The following STPG4 variants were observed in gnomAD, a reference collection of about 807,000 sequenced individuals.
The protein encoded by STPG4 is sperm-tail PG-rich repeat containing 4, also known as protein STPG4.
Under a neutral mutation model 31.5 loss-of-function variants are expected in STPG4, and 41 were observed. The ratio of observed to expected loss-of-function variants is 1.30; its 90% CI spans 1.01 to 1.69. The LOEUF (loss-of-function observed/expected upper bound fraction) is 1.69. Among genes scored for constraint, STPG4 ranks in the 40% most tolerant of loss-of-function variants. STPG4 has a pLI of 0.00. For synonymous variants in STPG4, 141 were observed against 103.0 expected (o/e 1.37, Z -2.24); for missense variants, 375 against 293.4 (o/e 1.28, Z -2.03).
chr2:47,119,598 G>A (rs1686225852), intron 5 of STPG4, among the ~76,000 whole-genome samples: 1 of 152,222 alleles, frequency 6.6e-6, no homozygotes, highest in African/African-American at 2.4e-5. Flanking sequence ...AAAACTTGGT[G>A]TCCTAACTGC....
intron 5 of STPG4, among the ~76,000 whole-genome samples, chr2:47,092,168 C>T (rs1266816016): frequency 8.9e-5 from 2 of 22,502 alleles, no homozygotes; most frequent in East Asian, 7.8e-4. Context: ...CTACAATGAA[C>T]ACAAGTACTC....
intron 3 of STPG4, among the ~76,000 whole-genome samples, chr2:47,134,345 T>C (rs1346078203): frequency 6.6e-6 from 1 of 152,192 alleles, no homozygotes; most frequent in African/African-American, 2.4e-5. Context: ...AAAAATCCTG[T>C]GTTCTCCCTA....
At chr2:47,128,849 G>A (rs1260403947) in intron 5 of STPG4, 1 of 152,296 alleles carries the variant, frequency 6.6e-6, no homozygotes, top group African/African-American at 2.4e-5. Flanking sequence ...CTTTCCTCAA[G>A]CAGGAGTCTC....
intron 5 of STPG4, among the ~76,000 whole-genome samples, chr2:47,113,899 T>C (rs904757722): frequency 4.0e-5 from 6 of 151,802 alleles, no homozygotes; most frequent in Admixed American, 3.9e-4. Context: ...CCAGGTGTGG[T>C]GGCGGGCGCC....
intron 1 of STPG4, among the ~76,000 whole-genome samples, chr2:47,153,546 A>AGTTTAAGACCAGCCTGGCCAACAT (rs1315052937): frequency 2.0e-5 from 3 of 152,186 alleles, no homozygotes; most frequent in Non-Finnish European, 1.5e-5. Flanking sequence ...TGAGGCCAGG[A>AGTTTAAGACCAGCCTGGCCAACAT]GTTTAAGACC....
intron 5 of STPG4, among the ~76,000 whole-genome samples, chr2:47,108,140 A>C (rs1250350046): frequency 6.6e-6 from 1 of 151,130 alleles, no homozygotes; most frequent in East Asian, 1.9e-4. Context: ...GAGAACCTTT[A>C]TGTCTAGCTC....
chr2:47,092,241 GAA>G (rs1191038938), intron 5 of STPG4, among the ~76,000 whole-genome samples: 1 of 148,820 alleles, frequency 6.7e-6, no homozygotes, highest in Admixed American at 6.8e-5. Flanking sequence ...AGGTAAAGAA[GAA>G]AAGAGGCCAG....
chr2:47,135,533 C>T (rs1686578862), intron 3 of STPG4, among the ~76,000 whole-genome samples: 1 of 152,062 alleles, frequency 6.6e-6, no homozygotes, highest in Admixed American at 6.6e-5. Context: ...ATTACAGGCA[C>T]CCGCCACCAC....
At chr2:47,153,543 A>G (rs1286313312) in intron 1 of STPG4, among the ~76,000 whole-genome samples, 2 of 152,240 alleles carry the variant, frequency 1.3e-5, no homozygotes, top group African/African-American at 4.8e-5. Context: ...TCTTGAGGCC[A>G]GGAGTTTAAG....
In STPG4 at chr2:47,105,122, C is replaced by T. The variant is rs538707867; in HGVS notation, c.520-14748G>A. Among the ~76,000 whole-genome samples, 8 of 152,022 alleles carry T rather than the reference C, an allele frequency of 5.3e-5. No homozygotes were observed. The South Asian group carries it at 1.7e-3, about 32-fold the overall frequency. ...ACCTTAAAGCAGGCCCTAGTACAAG[C>T]TCCAGCTTTAAGCCTTCCCACAGGA... On this transcript the variant is annotated intron_variant, in intron 5 of 6. Coordinates refer to ENST00000445927, the MANE Select transcript of STPG4 (RefSeq NM_001163561.2).
intron 5 of STPG4, among the ~76,000 whole-genome samples, chr2:47,109,770 T>G (rs1452638115): frequency 6.6e-6 from 1 of 152,206 alleles, no homozygotes; most frequent in African/African-American, 2.4e-5. Context: ...TCTGTTCCCC[T>G]TGGAATTTCA....
chr2:47,099,177 A>T (rs1183730908), intron 5 of STPG4, among the ~76,000 whole-genome samples: 1 of 152,138 alleles, frequency 6.6e-6, no homozygotes, highest in Non-Finnish European at 1.5e-5. Flanking sequence ...CATGCCAAGG[A>T]CGCCCAGGTA....
chr2:47,135,160 A>G (rs1288415044), intron 3 of STPG4, among the ~76,000 whole-genome samples: 2 of 152,022 alleles, frequency 1.3e-5, no homozygotes, highest in African/African-American at 4.8e-5. Context: ...CATTCTCTTC[A>G]GTGTCTTTTG....
At chr2:47,144,852 TC>T (rs1433434374) in intron 3 of STPG4, among the ~76,000 whole-genome samples, 2 of 152,130 alleles carry the variant, frequency 1.3e-5, no homozygotes, top group Non-Finnish European at 2.9e-5. Context: ...TGCCTCAGCC[TC>T]CCAAGTAGCT....
chr2:47,095,689 C>T (rs1685657095), intron 5 of STPG4, among the ~76,000 whole-genome samples: 2 of 152,196 alleles, frequency 1.3e-5, no homozygotes, highest in Non-Finnish European at 2.9e-5. Context: ...ATGACTGTCT[C>T]CTAACAGCTG....
chr2:47,102,275 C>T (rs1260311171), intron 5 of STPG4, among the ~76,000 whole-genome samples: 1 of 151,852 alleles, frequency 6.6e-6, no homozygotes, highest in Non-Finnish European at 1.5e-5. Flanking sequence ...TAAACCAAAA[C>T]TGCGGGCGGT....
At chr2:47,125,414 C>T (rs537425309) in intron 5 of STPG4, among the ~76,000 whole-genome samples, 1 of 151,998 alleles carries the variant, frequency 6.6e-6, no homozygotes, top group African/African-American at 2.4e-5. Context: ...AAGCAAGACG[C>T]TGTCTCAAAA....
At chr2:47,105,548 A>T (rs1464924007) in intron 5 of STPG4, among the ~76,000 whole-genome samples, 1 of 152,050 alleles carries the variant, frequency 6.6e-6, no homozygotes, top group Admixed American at 6.5e-5. Flanking sequence ...GACTGCCAAC[A>T]AATTATAGTC....
intron 5 of STPG4, among the ~76,000 whole-genome samples, chr2:47,123,045 C>G (rs753460808): frequency 1.3e-5 from 2 of 152,176 alleles, no homozygotes; most frequent in African/African-American, 2.4e-5. Flanking sequence ...AGGTTGGTCT[C>G]AAACTCCTGA....
Sources: allele counts gnomAD v4.1 joint callset (sites outside exome capture counted in the v4.1 genomes callset), GRCh38; gene constraint gnomAD v4.1.1; transcripts MANE v1.5; gene names NCBI Gene and HGNC (gene_info 2026-07-23, HGNC 2026-07-21).